IMPACT: variants seen among roughly 807,000 people sequenced by gnomAD.
The protein encoded by IMPACT is impact RWD domain protein, also known as protein IMPACT.
IMPACT carries 35 observed loss-of-function variants against 47.5 expected under a neutral mutation model. The ratio of observed to expected loss-of-function variants is 0.74; its 90% CI spans 0.56 to 0.98. IMPACT has a LOEUF of 0.98. IMPACT is among the 50% of genes least tolerant of loss of function. IMPACT has a pLI of 0.00. For missense variants in IMPACT, 373 were observed against 394.8 expected, an observed-to-expected ratio of 0.94 and a Z score of 0.47; for synonymous variants, 118 against 125.6, an observed-to-expected ratio of 0.94 and a Z score of 0.40.
rs1908650861 is a variant in IMPACT at position 24,427,797 on chromosome 18, G to A, written c.37-122G>A. ...TCTTAAGAAACTCTTGGCCTGGTGA[G>A]GCTCATCTAGGAATTTTTGATCTAC... On this transcript the variant is annotated intron_variant, in intron 1 of 10. Transcript: ENST00000284202. The A allele has an allele frequency of 2.5e-5, 22 of 894,836 alleles. No individual in the cohort carries two copies. The South Asian group carries it at 3.8e-4, about 16-fold the overall frequency. 55.4% of individuals were successfully genotyped at this position (894,836 alleles called of 1,614,324 possible). A position where few individuals can be genotyped will look rare whatever the true frequency, so the allele number is the denominator to read the frequency against.
chr18:24,447,943 A>T (rs1677995215), intron 8 of IMPACT, 150 bp from the exon 9 acceptor site: 1 of 502,334 alleles, frequency 2.0e-6, no homozygotes, highest in South Asian at 3.8e-5. Flanking sequence ...GTCAGTGAAA[A>T]TATATCTAAT....
At chr18:24,429,045 CT>C (rs1461558214) in intron 3 of IMPACT, 124 bp downstream of exon 3, 2 of 598,084 alleles carry the variant, frequency 3.3e-6, no homozygotes, top group East Asian at 6.4e-5. Context: ...TTAAAAATAC[CT>C]TTTGGGTTTG....
At position 24,437,938 on chromosome 18, in the gene IMPACT, C is replaced by T. The variant is rs1908990375; in HGVS notation, c.282-17C>T. 8 of 1,278,692 alleles carry T rather than the reference C, an allele frequency of 6.3e-6. No individual in the cohort carries two copies. Among genetic ancestry groups the T allele is most frequent in the South Asian group, 2.6e-5 (2 of 77,080 alleles). The allele number at this position is 1,278,692 out of a possible 1,614,324, so 79.2% of individuals were successfully genotyped here. A position where few individuals can be genotyped will look rare whatever the true frequency, so the allele number is the denominator to read the frequency against. On this transcript the variant is annotated splice_polypyrimidine_tract_variant and intron_variant, in intron 4 of 10. Transcript: ENST00000284202. Reference sequence around the variant, plus strand: ...TTTTGAAATAACAATTTTTTTTTTCCCCTGAATTTTGTTTAGTCAGAATAT... The same window carrying T: ...TTTTGAAATAACAATTTTTTTTTTCTCCTGAATTTTGTTTAGTCAGAATAT...
chr18:24,426,893 G>T (rs543550915), intron 1 of IMPACT, 101 bp downstream of exon 1: 35 of 852,978 alleles, frequency 4.1e-5, no homozygotes, highest in Non-Finnish European at 5.5e-5. Context: ...GGGCCGCCCC[G>T]GGTTCCGCCA....
intron 8 of IMPACT, among the ~76,000 whole-genome samples, chr18:24,447,027 C>T (rs967893289): frequency 1.3e-5 from 2 of 152,062 alleles, no homozygotes; most frequent in Admixed American, 6.6e-5. Flanking sequence ...TATTTCACTC[C>T]TCTATGGCTG....
At chr18:24,440,456 TA>T (rs1204651319) in intron 5 of IMPACT, 39 bp from the exon 6 acceptor site, 1 of 1,599,480 alleles carries the variant, frequency 6.3e-7, no homozygotes, top group African/African-American at 1.4e-5. Context: ...CATCGTTTCT[TA>T]CCTGCGTCAT....
chr18:24,445,320 A>G, intron 7 of IMPACT, 73 bp from the exon 8 acceptor site: 1 of 888,132 alleles, frequency 1.1e-6, no homozygotes, highest in Non-Finnish European at 1.8e-6. Context: ...GCATGCTTCA[A>G]GGTATTTTTC....
intron 6 of IMPACT, among the ~76,000 whole-genome samples, chr18:24,442,287 G>A (rs1318610883): frequency 6.6e-6 from 1 of 151,518 alleles, no homozygotes; most frequent in East Asian, 1.9e-4. Context: ...CCGAGTAGCT[G>A]GAATTACAGG....
chr18:24,432,444 G>T (rs1422594784), intron 4 of IMPACT, among the ~76,000 whole-genome samples: 1 of 152,024 alleles, frequency 6.6e-6, no homozygotes, highest in African/African-American at 2.4e-5. Flanking sequence ...TCCAGGCCAG[G>T]TTTCTTTTCC....
At chr18:24,440,120 G>T (rs1909061939) in intron 5 of IMPACT, among the ~76,000 whole-genome samples, 1 of 151,848 alleles carries the variant, frequency 6.6e-6, no homozygotes, top group South Asian at 2.1e-4. Flanking sequence ...TTATTTATCT[G>T]TTTATTATTT....
At chr18:24,434,848 GTATA>G (rs1332884254) in intron 4 of IMPACT, among the ~76,000 whole-genome samples, 1 of 133,100 alleles carries the variant, frequency 7.5e-6, no homozygotes, top group African/African-American at 3.2e-5. Context: ...ATATATGTGT[GTATA>G]TATATGTGTA....
intron 4 of IMPACT, among the ~76,000 whole-genome samples, chr18:24,436,705 C>T (rs967723475): frequency 6.6e-6 from 1 of 152,010 alleles, no homozygotes; most frequent in Non-Finnish European, 1.5e-5. Flanking sequence ...CGCACCACCA[C>T]ATCTGGCTAA....
rs771514653 is a variant in IMPACT, at chr18:24,450,813, A to C, written c.929A>C (p.Lys310Thr). ...ESSKALGKNK[K>T]VRKDKKRNEH Reference sequence around the variant, plus strand: ...TCTAAGGCTTTGGGAAAGAACAAAAAAGTAAGAAAAGACAAGAAGAGGAAT... The same window carrying C: ...TCTAAGGCTTTGGGAAAGAACAAAACAGTAAGAAAAGACAAGAAGAGGAAT... The change falls in exon 11 of 11, where the codon AAA (lysine) becomes ACA (threonine). Residue 310 changes from lysine to threonine, a missense_variant. Transcript: ENST00000284202. The C allele has an allele frequency of 6.2e-7, 1 of 1,610,720 alleles. No individual in the cohort carries two copies. Among genetic ancestry groups the C allele is most frequent in the South Asian group, 1.1e-5 (1 of 90,924 alleles).
chr18:24,426,870 G>A, intron 1 of IMPACT, 78 bp downstream of exon 1: 6 of 1,066,222 alleles, frequency 5.6e-6, no homozygotes, highest in Non-Finnish European at 7.2e-6. Flanking sequence ...TCAGCCGAGG[G>A]GCCCTCCGCC....
At chr18:24,435,117 G>C (rs500896) in intron 4 of IMPACT, among the ~76,000 whole-genome samples, 18,843 of 151,560 alleles carry the variant, frequency 0.12, 1,460 homozygotes, top group Non-Finnish European at 0.16. Context: ...GGGTTTATAG[G>C]TGTGCCACCA....
At chr18:24,435,375 T>C (rs1377405851) in intron 4 of IMPACT, 1 of 152,242 alleles carries the variant, frequency 6.6e-6, no homozygotes, top group African/African-American at 2.4e-5. Flanking sequence ...AATATGATAC[T>C]GTTTAAGAGA....
Position 24,440,693 on chromosome 18 carries a change from A to G in IMPACT, c.490+75A>G, listed in dbSNP as rs993453994. 3.4e-5 allele frequency: 43 copies of G among 1,258,180 alleles called. No individual in the cohort carries two copies. The Admixed American group carries it at 7.4e-4, about 22-fold the overall frequency. 77.9% of individuals were successfully genotyped at this position (1,258,180 alleles called of 1,614,324 possible). A position where few individuals can be genotyped will look rare whatever the true frequency, so the allele number is the denominator to read the frequency against. ...TATGTATTGTTCTTTGAGATGATAGAGAAATTTACTAATTTTCTCCAGTTT... is the reference window on the plus strand; with the variant it reads ...TATGTATTGTTCTTTGAGATGATAGGGAAATTTACTAATTTTCTCCAGTTT... On this transcript the variant is annotated intron_variant, in intron 6 of 10. Coordinates refer to ENST00000284202, the MANE Select transcript of IMPACT (RefSeq NM_018439.4).
In IMPACT at chr18:24,427,978, C is replaced by G; in HGVS notation, c.96C>G (p.Asp32Glu). The stretch of plus-strand genomic sequence containing the variant: ...GCGAGGAGTGGTGTGTCATTGATGA[C>G]TGTGCCAAAATATTTTGTATTAGAA... ...IYGEEWCVIDDCAKIFCIRIS... is the reference protein window; with the variant it reads ...IYGEEWCVIDECAKIFCIRIS... The change falls in exon 2 of 11, where the codon GAC becomes GAG. Residue 32 changes from aspartate to glutamate, a missense_variant. Asp to Glu is a conservative substitution (Grantham distance 45). Coordinates refer to ENST00000284202, the MANE Select transcript of IMPACT (RefSeq NM_018439.4). The G allele has an allele frequency of 6.2e-7, 1 of 1,602,560 alleles. No homozygotes were observed. Among genetic ancestry groups the G allele is most frequent in the Non-Finnish European group, 8.5e-7 (1 of 1,176,752 alleles).
chr18:24,442,951 GTAAT>G, intron 6 of IMPACT, 94 bp from the exon 7 acceptor site: 1 of 601,898 alleles, frequency 1.7e-6, no homozygotes. Context: ...GATTTGCCAT[GTAAT>G]TTACATTTCT....
Sources: allele counts gnomAD v4.1 joint callset (sites outside exome capture counted in the v4.1 genomes callset), GRCh38; gene constraint gnomAD v4.1.1; transcripts MANE v1.5; gene names NCBI Gene and HGNC (gene_info 2026-07-23, HGNC 2026-07-21).